ANK2: variants seen among roughly 807,000 people sequenced by gnomAD.
The protein encoded by ANK2 is ankyrin-2.
In ANK2, 83 loss-of-function variants were observed where a neutral mutation model predicts 360.5. The observed-to-expected ratio is 0.23, with a 90% confidence interval of 0.19 to 0.28. ANK2 has a LOEUF of 0.28. ANK2 is among the 10% of genes least tolerant of loss of function. ANK2 has a pLI of 1.00. For synonymous variants in ANK2, 1,740 were observed against 1,759.5 expected (o/e 0.99, Z 0.28); for missense variants, 4,201 against 4,795.7 (o/e 0.88, Z 3.66).
chr4:112,887,017 G>T (rs2078603728), intron 1 of ANK2, among the ~76,000 whole-genome samples: 1 of 152,090 alleles, frequency 6.6e-6, no homozygotes, highest in African/African-American at 2.4e-5. Context: ...TATTCAAATG[G>T]TAGGTTTTTT....
chr4:113,185,078 G>A (rs2153277162), intron 2 of ANK2, among the ~76,000 whole-genome samples: 1 of 152,246 alleles, frequency 6.6e-6, no homozygotes, highest in Middle Eastern at 3.4e-3. Context: ...GTGTATATGT[G>A]CCACATTTTC....
chr4:112,853,493 C>T lies in ANK2; in HGVS notation c.-40+35229C>T, dbSNP rs193289317. Among the ~76,000 whole-genome samples, 19 of 152,198 alleles carry T rather than the reference C, an allele frequency of 1.2e-4. No homozygotes were observed. The South Asian group carries it at 3.3e-3, about 27-fold the overall frequency. The stretch of plus-strand genomic sequence containing the variant: ...CTGTGATTACAAGTGTGAGTCACCA[C>T]GCTCAGCCTAAAATGCTCTTGATTT... On this transcript the variant is annotated intron_variant, in intron 1 of 30. Coordinates refer to the ANK2 transcript ENST00000503271.
intron 4 of ANK2, among the ~76,000 whole-genome samples, chr4:113,207,764 T>TA (rs1320063311): frequency 6.8e-6 from 1 of 146,112 alleles, no homozygotes; most frequent in Non-Finnish European, 1.5e-5. Flanking sequence ...TTGGAAGTAA[T>TA]AATTCACGCA....
chr4:113,289,538 A>G (rs2066509604), intron 20 of ANK2, among the ~76,000 whole-genome samples: 1 of 152,128 alleles, frequency 6.6e-6, no homozygotes, highest in African/African-American at 2.4e-5. Context: ...AGCTATTTGA[A>G]TGGGCTCAAG....
chr4:112,796,479 C>CAT, the ANK2 span, among the ~76,000 whole-genome samples: 1 of 145,556 alleles, frequency 6.9e-6, no homozygotes, highest in South Asian at 2.2e-4. Context: ...CACACACACA[C>CAT]ATACATATCA....
chr4:113,055,411 AATAG>A (rs922388677), intron 1 of ANK2, among the ~76,000 whole-genome samples: 4 of 152,222 alleles, frequency 2.6e-5, no homozygotes, highest in Admixed American at 1.3e-4. Flanking sequence ...TAAATGAATA[AATAG>A]ATAGATAAAT....
intron 1 of ANK2, among the ~76,000 whole-genome samples, chr4:113,106,203 A>G (rs1039309282): frequency 9.2e-5 from 14 of 152,218 alleles, no homozygotes; most frequent in African/African-American, 3.1e-4. Context: ...TCTAAACCTT[A>G]TGAAGACTTT....
At chr4:113,342,723 G>C (rs1204905675) in intron 33 of ANK2, among the ~76,000 whole-genome samples, 2 of 151,704 alleles carry the variant, frequency 1.3e-5, no homozygotes, top group Admixed American at 1.3e-4. Context: ...AATTACCCAA[G>C]CATAAGTTTA....
intron 26 of ANK2, 139 bp downstream of exon 26, chr4:113,318,759 G>A (rs1205669103): frequency 1.4e-6 from 1 of 726,016 alleles, no homozygotes; most frequent in African/African-American, 1.7e-5. Flanking sequence ...AAATAACATT[G>A]CTTTATCCAA....
chr4:112,842,556 A>T (rs932041617), intron 1 of ANK2, among the ~76,000 whole-genome samples: 19 of 152,192 alleles, frequency 1.2e-4, no homozygotes, highest in Admixed American at 4.6e-4. Flanking sequence ...ATCATCAGGC[A>T]TTAGTTAGAG....
At chr4:113,320,255 T>C (rs754973504) in intron 26 of ANK2, among the ~76,000 whole-genome samples, 17 of 151,902 alleles carry the variant, frequency 1.1e-4, no homozygotes, top group Non-Finnish European at 2.1e-4. Flanking sequence ...TTTAAATTCA[T>C]AGTCTTTAAT....
intron 2 of ANK2, among the ~76,000 whole-genome samples, chr4:113,025,345 A>G (rs1258312460): frequency 6.6e-6 from 1 of 152,176 alleles, no homozygotes; most frequent in Non-Finnish European, 1.5e-5. Context: ...GAAAGGTTGT[A>G]TATGTGGATT....
chr4:113,056,582 C>A (rs1311141829), intron 1 of ANK2, among the ~76,000 whole-genome samples: 1 of 152,188 alleles, frequency 6.6e-6, no homozygotes, highest in African/African-American at 2.4e-5. Flanking sequence ...AATAAAGTTA[C>A]CATTTCAATT....
intron 1 of ANK2, among the ~76,000 whole-genome samples, chr4:112,850,738 G>T (rs537889278): frequency 6.6e-6 from 1 of 150,952 alleles, no homozygotes; most frequent in Non-Finnish European, 1.5e-5. Context: ...GGATGATCTC[G>T]ATCTCCTGAC....
At chr4:112,802,976 G>T in the ANK2 span, among the ~76,000 whole-genome samples, 1 of 152,302 alleles carries the variant, frequency 6.6e-6, no homozygotes, top group Non-Finnish European at 1.5e-5. Context: ...GTAGGCTGCA[G>T]TGGTTATTTA....
chr4:112,946,144 G>A (rs996630187), intron 2 of ANK2, among the ~76,000 whole-genome samples: 2 of 152,128 alleles, frequency 1.3e-5, no homozygotes, highest in Admixed American at 6.5e-5. Flanking sequence ...ACTTTGAGAG[G>A]GGTTTGTTGC....
At chr4:112,739,647 A>T in the ANK2 span, among the ~76,000 whole-genome samples, 6 of 152,176 alleles carry the variant, frequency 3.9e-5, no homozygotes, top group African/African-American at 1.4e-4. Context: ...CACACATGTT[A>T]TGCTGAATTA....
intron 2 of ANK2, among the ~76,000 whole-genome samples, chr4:112,990,724 T>C (rs563001447): frequency 1.3e-5 from 2 of 152,328 alleles, no homozygotes; most frequent in Admixed American, 1.3e-4. Context: ...CAGGACAGAA[T>C]ATGCTCAGAG....
intron 1 of ANK2, among the ~76,000 whole-genome samples, chr4:112,852,605 A>T (rs2065273090): frequency 6.6e-6 from 1 of 152,234 alleles, no homozygotes; most frequent in Non-Finnish European, 1.5e-5. Flanking sequence ...CTAGGGGAAG[A>T]TACGAGTCTT....
Sources: gnomAD v4.1 joint callset for allele counts (sites outside exome capture counted in the v4.1 genomes callset) on GRCh38, gnomAD v4.1.1 for gene constraint, MANE v1.5 for transcripts, NCBI Gene and HGNC (gene_info 2026-07-23, HGNC 2026-07-21) for gene names.